The following WDPCP variants were observed in gnomAD, a reference collection of about 807,000 sequenced individuals.
WDPCP encodes the protein WD repeat-containing and planar cell polarity effector protein fritz homolog.
WDPCP carries 71 observed loss-of-function variants against 93.1 expected under a neutral mutation model. The observed-to-expected ratio is 0.76, with a 90% CI of 0.63 to 0.93. The LOEUF is 0.93. Ranked by LOEUF, WDPCP falls within the 40% of genes least tolerant of loss-of-function variation. The pLI is 0.00. For missense variants in WDPCP, 844 were observed against 887.4 expected (o/e 0.95, Z 0.62); for synonymous variants, 315 against 315.0 (o/e 1.00, Z 0.00).
chr2:63,636,016 T>C (rs1373862366), intron 3 of WDPCP, among the ~76,000 whole-genome samples: 6 of 152,124 alleles, frequency 3.9e-5, no homozygotes, highest in Non-Finnish European at 8.8e-5. Flanking sequence ...AATATCAGGA[T>C]AGAAAATCAA....
intron 13 of WDPCP, among the ~76,000 whole-genome samples, chr2:63,307,060 C>T (rs1685796884): frequency 6.6e-6 from 1 of 152,178 alleles, no homozygotes; most frequent in Non-Finnish European, 1.5e-5. Flanking sequence ...GATACAAAAT[C>T]AATGTGCAAA....
intron 14 of WDPCP, among the ~76,000 whole-genome samples, chr2:63,242,489 T>A (rs778791184): frequency 1.6e-4 from 24 of 152,154 alleles, no homozygotes; most frequent in Admixed American, 5.2e-4. Context: ...AGGAATGGTG[T>A]TGCACTCCTA....
At position 63,120,738 on chromosome 2, in the gene WDPCP, G is replaced by T. The variant is rs374898387; in HGVS notation, c.*1268C>A. On this transcript the variant is annotated 3_prime_UTR_variant, in exon 18 of 18. Transcript: ENST00000272321. Reference sequence around the variant, plus strand: ...TTTAGTAGAGACGGGGTTTCACCATGTTGTCTAGGATGGTCTCCATCTCCT... The same window carrying T: ...TTTAGTAGAGACGGGGTTTCACCATTTTGTCTAGGATGGTCTCCATCTCCT... 1.3e-5 allele frequency among the ~76,000 whole-genome samples: 2 copies of T among 149,552 alleles called. No individual in the cohort carries two copies. The highest frequency in any genetic ancestry group is 3.9e-4 in the East Asian group (2 of 5,124).
intron 13 of WDPCP, among the ~76,000 whole-genome samples, chr2:63,286,654 A>T (rs901262799): frequency 6.6e-6 from 1 of 152,224 alleles, no homozygotes; most frequent in Non-Finnish European, 1.5e-5. Context: ...CTCTTCACAC[A>T]GACACACGTG....
intron 14 of WDPCP, among the ~76,000 whole-genome samples, chr2:63,214,336 A>G (rs1321984372): frequency 6.6e-6 from 1 of 152,162 alleles, no homozygotes; most frequent in Non-Finnish European, 1.5e-5. Context: ...ATCAATAAAC[A>G]TAATCCATTA....
intron 1 of WDPCP, among the ~76,000 whole-genome samples, chr2:63,552,315 T>C (rs940799893): frequency 6.6e-6 from 1 of 151,818 alleles, no homozygotes; most frequent in African/African-American, 2.4e-5. Flanking sequence ...GAGATATATA[T>C]ACACCTACTC....
the WDPCP span, among the ~76,000 whole-genome samples, chr2:63,835,045 C>T: frequency 3.3e-5 from 5 of 150,946 alleles, no homozygotes; most frequent in Non-Finnish European, 5.9e-5. Context: ...TTTTTTTAAG[C>T]TGTGTATTCT....
At chr2:63,229,240 AG>A (rs1433312629) in intron 14 of WDPCP, 4 of 152,158 alleles carry the variant, frequency 2.6e-5, no homozygotes, top group African/African-American at 9.7e-5. Flanking sequence ...TCTTTTGAGA[AG>A]TGTCTGTTCA....
chr2:63,463,638 G>A (rs1699164798), intron 6 of WDPCP, among the ~76,000 whole-genome samples: 1 of 152,102 alleles, frequency 6.6e-6, no homozygotes, highest in Non-Finnish European at 1.5e-5. Flanking sequence ...CATAAAAACA[G>A]ACACATAAAC....
intron 6 of WDPCP, among the ~76,000 whole-genome samples, chr2:63,453,541 C>A (rs1309702171): frequency 6.6e-6 from 1 of 152,126 alleles, no homozygotes; most frequent in East Asian, 1.9e-4. Context: ...TGTGGCGATT[C>A]CTCAAGTATA....
intron 1 of WDPCP, among the ~76,000 whole-genome samples, chr2:63,515,325 A>G (rs1164833934): frequency 1.3e-5 from 2 of 152,188 alleles, no homozygotes; most frequent in African/African-American, 4.8e-5. Flanking sequence ...CCTAATTTAC[A>G]AAATTGATAT....
intron 1 of WDPCP, among the ~76,000 whole-genome samples, chr2:63,582,102 T>C (rs1708536186): frequency 6.6e-6 from 1 of 151,494 alleles, no homozygotes; most frequent in Non-Finnish European, 1.5e-5. Context: ...AAATAAAAAT[T>C]AACTAAAACC....
intron 2 of WDPCP, among the ~76,000 whole-genome samples, chr2:63,664,046 A>G (rs1480174643): frequency 1.3e-5 from 2 of 152,180 alleles, no homozygotes; most frequent in Admixed American, 6.5e-5. Flanking sequence ...TAATTAAATC[A>G]TTACATTTGG....
At chr2:63,213,005 C>G (rs928753412) in intron 14 of WDPCP, among the ~76,000 whole-genome samples, 1 of 152,164 alleles carries the variant, frequency 6.6e-6, no homozygotes, top group Admixed American at 6.5e-5. Context: ...GAGACTTAGA[C>G]TCCCACACAA....
Position 63,484,969 on chromosome 2 carries a change from G to T in WDPCP, c.272C>A (p.Thr91Lys). The change falls in exon 5 of 18, where the codon ACG (threonine) becomes AAG (lysine). Residue 91 changes from threonine to lysine, a missense_variant. By Grantham distance (78) the Thr-to-Lys change is moderately conservative. Coordinates refer to ENST00000272321, the MANE Select transcript of WDPCP (RefSeq NM_015910.7). Reference sequence around the variant, plus strand: ...TTTTTCTGGGCGTCTGTTTTTGAGCGTCCAAGGATAATCTCGTGCTGGCAA... The same window carrying T: ...TTTTTCTGGGCGTCTGTTTTTGAGCTTCCAAGGATAATCTCGTGCTGGCAA... ...KLAESRDYPW[T>K]LKNRRPEKLR... 6.2e-7 allele frequency: 1 copy of T among 1,612,498 alleles called. No homozygotes were observed. The highest frequency in any genetic ancestry group is 1.3e-5 in the African/African-American group (1 of 74,922).
At chr2:63,795,670 T>C (rs1670604811) in intron 2 of WDPCP, among the ~76,000 whole-genome samples, 1 of 152,048 alleles carries the variant, frequency 6.6e-6, no homozygotes, top group African/African-American at 2.4e-5. Context: ...GGGCTTTCAC[T>C]AAAAACCCAT....
chr2:63,568,934 C>T (rs940025110), intron 1 of WDPCP, among the ~76,000 whole-genome samples: 6 of 152,178 alleles, frequency 3.9e-5, no homozygotes, highest in Non-Finnish European at 7.3e-5. Flanking sequence ...AATGTTAGCA[C>T]AGGTCTTTGA....
At chr2:63,654,803 A>G (rs1291780878) in intron 2 of WDPCP, among the ~76,000 whole-genome samples, 1 of 151,736 alleles carries the variant, frequency 6.6e-6, no homozygotes, top group African/African-American at 2.4e-5. Flanking sequence ...AATAATTGTT[A>G]TACTGTATTG....
At chr2:63,135,032 A>G (rs1256419655) in intron 17 of WDPCP, among the ~76,000 whole-genome samples, 1 of 152,156 alleles carries the variant, frequency 6.6e-6, no homozygotes, top group Non-Finnish European at 1.5e-5. Context: ...CTCAGGTGGG[A>G]GGATCACTTA....
Sources: allele counts gnomAD v4.1 joint callset (sites outside exome capture counted in the v4.1 genomes callset), GRCh38; gene constraint gnomAD v4.1.1; transcripts MANE v1.5; gene names NCBI Gene and HGNC (gene_info 2026-07-23, HGNC 2026-07-21).